Variants in ACVR2A observed in about 807,000 individuals in gnomAD.
The protein encoded by ACVR2A is activin receptor type-2A.
A neutral mutation model predicts 61.4 loss-of-function variants in ACVR2A; 7 were observed. The ratio of observed to expected loss-of-function variants is 0.11; its 90% CI spans 0.06 to 0.21. The LOEUF is 0.21. ACVR2A is among the 10% of genes least tolerant of loss of function. ACVR2A has a pLI of 1.00. For missense variants in ACVR2A, 322 were observed against 621.7 expected (o/e 0.52, Z 5.13); for synonymous variants, 193 against 208.3 (o/e 0.93, Z 0.63).
intron 1 of ACVR2A, among the ~76,000 whole-genome samples, chr2:147,870,955 T>G (rs1262469035): frequency 2.6e-5 from 4 of 152,150 alleles, no homozygotes; most frequent in Non-Finnish European, 5.9e-5. Flanking sequence ...TCCTCATGTA[T>G]TTTGTTTGCC....
At chr2:147,903,425 A>G (rs1367911901) in intron 4 of ACVR2A, among the ~76,000 whole-genome samples, 2 of 151,706 alleles carry the variant, frequency 1.3e-5, no homozygotes, top group Non-Finnish European at 3.0e-5. Flanking sequence ...GGACATTATT[A>G]CTCCTAAGGC....
At chr2:147,857,237 A>T (rs2105139452) in intron 1 of ACVR2A, among the ~76,000 whole-genome samples, 1 of 152,210 alleles carries the variant, frequency 6.6e-6, no homozygotes, top group African/African-American at 2.4e-5. Context: ...CTTATTTTTC[A>T]CTATTGTATC....
chr2:147,911,369 A>T (rs1465024620), intron 4 of ACVR2A, among the ~76,000 whole-genome samples: 1 of 152,068 alleles, frequency 6.6e-6, no homozygotes, highest in Non-Finnish European at 1.5e-5. Flanking sequence ...TTTGTAAGGA[A>T]AGTGTTCCCT....
intron 1 of ACVR2A, among the ~76,000 whole-genome samples, chr2:147,859,143 A>C (rs552936456): frequency 9.5e-4 from 145 of 152,278 alleles, no homozygotes; most frequent in African/African-American, 3.3e-3. Flanking sequence ...TTAGTCTAGC[A>C]ATACAACTTT....
intron 1 of ACVR2A, among the ~76,000 whole-genome samples, chr2:147,861,853 C>T (rs1318367909): frequency 6.6e-6 from 1 of 151,950 alleles, no homozygotes; most frequent in Non-Finnish European, 1.5e-5. Flanking sequence ...AAAAGTGTAT[C>T]TTGTTTTGTT....
intron 4 of ACVR2A, among the ~76,000 whole-genome samples, chr2:147,910,354 G>A (rs1359708654): frequency 1.3e-5 from 2 of 152,086 alleles, no homozygotes; most frequent in African/African-American, 2.4e-5. Flanking sequence ...AGATCTGAGA[G>A]ATCCTTGAGC....
At chr2:147,886,764 G>A (rs552662637) in intron 1 of ACVR2A, among the ~76,000 whole-genome samples, 1 of 148,310 alleles carries the variant, frequency 6.7e-6, no homozygotes, top group Non-Finnish European at 1.5e-5. Context: ...TTAGACCCTA[G>A]TGGCATCTTT....
At chr2:147,925,118 G>A (rs1234157983) in intron 9 of ACVR2A, among the ~76,000 whole-genome samples, 1 of 151,996 alleles carries the variant, frequency 6.6e-6, no homozygotes, top group East Asian at 1.9e-4. Context: ...GTGGTGACCT[G>A]TGTCTGTCAA....
At chr2:147,917,793 C>G (rs1017154370) in intron 6 of ACVR2A, among the ~76,000 whole-genome samples, 8 of 151,832 alleles carry the variant, frequency 5.3e-5, no homozygotes, top group Admixed American at 5.3e-4. Flanking sequence ...ATCAGTCTTG[C>G]TTGTGACAAA....
chr2:147,886,992 CT>C (rs957407659), intron 1 of ACVR2A, among the ~76,000 whole-genome samples: 1 of 152,098 alleles, frequency 6.6e-6, no homozygotes, highest in African/African-American at 2.4e-5. Context: ...AGGAGGATCT[CT>C]TGAGGCCAGG....
At chr2:147,870,287 C>G (rs559732086) in intron 1 of ACVR2A, among the ~76,000 whole-genome samples, 8 of 152,222 alleles carry the variant, frequency 5.3e-5, no homozygotes, top group Non-Finnish European at 8.8e-5. Context: ...TTTTTCCTCT[C>G]TTTAATATTC....
intron 1 of ACVR2A, among the ~76,000 whole-genome samples, chr2:147,852,694 G>T (rs1230421119): frequency 1.3e-5 from 2 of 152,054 alleles, no homozygotes; most frequent in Admixed American, 1.3e-4. Flanking sequence ...ATTTTGGGGA[G>T]TTGGGATTTT....
At chr2:147,861,057 A>G (rs1480754774) in intron 1 of ACVR2A, among the ~76,000 whole-genome samples, 1 of 152,220 alleles carries the variant, frequency 6.6e-6, no homozygotes, top group Admixed American at 6.5e-5. Context: ...CCTACTTTAC[A>G]CAGTTGTTAT....
At chr2:147,898,875 A>G (rs1445888387) in intron 2 of ACVR2A, among the ~76,000 whole-genome samples, 1 of 152,076 alleles carries the variant, frequency 6.6e-6, no homozygotes, top group Non-Finnish European at 1.5e-5. Context: ...TGTTCATTGC[A>G]TTCAGGGAAT....
At chr2:147,844,987 T>TTTA, upstream of ACVR2A, 1 of 392,500 alleles carries the variant, frequency 2.5e-6, no homozygotes. Context: ...TTTTTTTTTT[T>TTTA]AACCCAGTGA....
At chr2:147,861,030 G>GTTA (rs758429491) in intron 1 of ACVR2A, among the ~76,000 whole-genome samples, 1 of 152,192 alleles carries the variant, frequency 6.6e-6, no homozygotes, top group Non-Finnish European at 1.5e-5. Context: ...TCTGGAAAAT[G>GTTA]GAGATAATAA....
chr2:147,856,351 A>G (rs1685573517), intron 1 of ACVR2A, among the ~76,000 whole-genome samples: 1 of 152,190 alleles, frequency 6.6e-6, no homozygotes, highest in South Asian at 2.1e-4. Flanking sequence ...GCCTCTTTTC[A>G]TCTGGTTTCA....
upstream of ACVR2A, chr2:147,845,023 T>C (rs1685267457): frequency 4.0e-6 from 1 of 246,954 alleles, no homozygotes. Flanking sequence ...TTTTTTTTTT[T>C]TTTTGGTCTG....
chr2:147,909,531 G>A (rs779833356), intron 4 of ACVR2A, among the ~76,000 whole-genome samples: 3 of 151,972 alleles, frequency 2.0e-5, no homozygotes, highest in African/African-American at 4.8e-5. Flanking sequence ...GATTTTCACC[G>A]TTACCTACAG....
Sources: gnomAD v4.1 joint callset for allele counts (sites outside exome capture counted in the v4.1 genomes callset) on GRCh38, gnomAD v4.1.1 for gene constraint, MANE v1.5 for transcripts, NCBI Gene and HGNC (gene_info 2026-07-23, HGNC 2026-07-21) for gene names.